TET1: variants seen among roughly 807,000 people sequenced by gnomAD.
The protein encoded by TET1 is methylcytosine dioxygenase TET1.
TET1 carries 13 observed loss-of-function variants against 148.7 expected under a neutral mutation model. The ratio of observed to expected loss-of-function variants is 0.09; its 90% CI spans 0.06 to 0.14. TET1 has a LOEUF of 0.14. Among genes scored for constraint, TET1 ranks in the 10% least tolerant of loss-of-function variants. TET1 has a pLI of 1.00. For synonymous variants in TET1, 907 were observed against 937.2 expected (o/e 0.97, Z 0.59); for missense variants, 2,182 against 2,553.8 (o/e 0.85, Z 3.14).
chr10:68,669,465 C>T (rs1340835549), intron 7 of TET1, among the ~76,000 whole-genome samples: 1 of 137,906 alleles, frequency 7.3e-6, no homozygotes, highest in Non-Finnish European at 1.6e-5. Context: ...CGCCTGCCAC[C>T]ATGCCCAGCT....
At chr10:68,666,498 T>G (rs748167781) in intron 6 of TET1, among the ~76,000 whole-genome samples, 3 of 152,156 alleles carry the variant, frequency 2.0e-5, no homozygotes, top group South Asian at 2.1e-4. Flanking sequence ...CATTAGATGG[T>G]TTTTTTCCAT....
chr10:68,639,454 C>CTAT (rs1252293347), intron 3 of TET1, among the ~76,000 whole-genome samples: 39 of 139,202 alleles, frequency 2.8e-4, no homozygotes, highest in African/African-American at 9.5e-4. Context: ...ATTACTACTA[C>CTAT]TACTACTACT....
intron 2 of TET1, among the ~76,000 whole-genome samples, chr10:68,585,281 G>T (rs2132824478): frequency 6.6e-6 from 1 of 152,250 alleles, no homozygotes; most frequent in African/African-American, 2.4e-5. Flanking sequence ...TGGGATTACA[G>T]GCGTGAGGCA....
intron 2 of TET1, among the ~76,000 whole-genome samples, chr10:68,579,738 C>A (rs1415735007): frequency 6.6e-6 from 1 of 152,154 alleles, no homozygotes; most frequent in Non-Finnish European, 1.5e-5. Context: ...GAATACAGCA[C>A]CTTTAAGATT....
At chr10:68,582,987 A>G (rs1003341230) in intron 2 of TET1, among the ~76,000 whole-genome samples, 2 of 152,190 alleles carry the variant, frequency 1.3e-5, no homozygotes, top group African/African-American at 4.8e-5. Flanking sequence ...ATTCTGACCC[A>G]TGGGTGTTAA....
At position 68,682,093 on chromosome 10, in the gene TET1, C is replaced by CTTTTTTT. The variant is rs386371716; in HGVS notation, c.4914+623_4914+629dup. 2.1e-3 allele frequency among the ~76,000 whole-genome samples: 142 copies of CTTTTTTT among 67,078 alleles called. 20 individuals are homozygous for CTTTTTTT. Among genetic ancestry groups the CTTTTTTT allele is most frequent in the Admixed American group, 4.5e-3 (17 of 3,784 alleles). 44.0% of individuals were successfully genotyped at this position (67,078 alleles called of 152,430 possible). ...TAATTGGACTTTTTATTGATCTACT[C>CTTTTTTT]TTTTTTTTTTTTTTTTTTTTTTTTG... is the stretch of plus-strand genomic sequence containing the variant. On this transcript the variant is annotated intron_variant, in intron 9 of 11. Transcript: ENST00000373644.
At chr10:68,623,422 A>G (rs188080764) in intron 3 of TET1, among the ~76,000 whole-genome samples, 2 of 152,198 alleles carry the variant, frequency 1.3e-5, no homozygotes, top group Non-Finnish European at 2.9e-5. Context: ...AGCCTACTAC[A>G]TACTGTTTCG....
At chr10:68,616,656 C>T (rs985919359) in intron 3 of TET1, among the ~76,000 whole-genome samples, 2 of 152,030 alleles carry the variant, frequency 1.3e-5, no homozygotes, top group Non-Finnish European at 2.9e-5. Context: ...TCGATTCAGC[C>T]TCCAAAATTG....
intron 7 of TET1, among the ~76,000 whole-genome samples, chr10:68,672,491 AAAAAAAAAAAAAAAAAAAAACACC>A (rs1476179008): frequency 4.8e-5 from 7 of 147,130 alleles, no homozygotes; most frequent in Non-Finnish European, 1.0e-4. Context: ...CCATCTCAAA[AAAAAAAAAAAAAAAAAAAAACACC>A]AAAAAAAAAA....
intron 3 of TET1, among the ~76,000 whole-genome samples, chr10:68,637,989 A>G (rs961225956): frequency 1.2e-4 from 19 of 152,152 alleles, no homozygotes; most frequent in Non-Finnish European, 2.4e-4. Flanking sequence ...CATGTTGGCC[A>G]GGCTGGTCTT....
At chr10:68,578,162 G>A (rs2053753818) in intron 2 of TET1, among the ~76,000 whole-genome samples, 1 of 152,018 alleles carries the variant, frequency 6.6e-6, no homozygotes, top group African/African-American at 2.4e-5. Flanking sequence ...TGGGCGCGGT[G>A]GCTGGCAAGA....
At chr10:68,582,246 T>C (rs1174655121) in intron 2 of TET1, among the ~76,000 whole-genome samples, 1 of 152,098 alleles carries the variant, frequency 6.6e-6, no homozygotes, top group Non-Finnish European at 1.5e-5. Context: ...ATTACAGGCA[T>C]GCACCACTAC....
At chr10:68,592,013 T>C (rs2053924121) in intron 2 of TET1, among the ~76,000 whole-genome samples, 1 of 152,136 alleles carries the variant, frequency 6.6e-6, no homozygotes, top group African/African-American at 2.4e-5. Flanking sequence ...AAGGGTGTTT[T>C]CTAGCTTAAA....
intron 6 of TET1, among the ~76,000 whole-genome samples, chr10:68,662,202 T>C (rs1296383864): frequency 1.3e-5 from 2 of 152,040 alleles, no homozygotes; most frequent in African/African-American, 4.8e-5. Flanking sequence ...AGAGGCGGGA[T>C]TTCACCATGT....
intron 8 of TET1, among the ~76,000 whole-genome samples, chr10:68,677,308 T>C (rs1260801232): frequency 6.6e-6 from 1 of 152,210 alleles, no homozygotes; most frequent in African/African-American, 2.4e-5. Context: ...CCTATAGTCC[T>C]GATTTAACTC....
Position 68,573,148 on chromosome 10 carries a change from A to G in TET1, c.810A>G (p.Leu270=). 6.2e-7 allele frequency: 1 copy of G among 1,614,206 alleles called. No individual in the cohort carries two copies. The highest frequency in any genetic ancestry group is 8.5e-7 in the Non-Finnish European group (1 of 1,180,030). Residue 270 remains leucine (L), a synonymous_variant, in exon 2 of 12, where the codon TTA becomes TTG. Coordinates refer to ENST00000373644, the MANE Select transcript of TET1 (RefSeq NM_030625.3). ...VTSQGNPSIQ[L]EELGSRVESL... ...CTCAAGGAAACCCCAGCATTCAGTT[A>G]GAAGAGTTGGGTTCACGAGTAGAAT... is the stretch of plus-strand genomic sequence containing the variant.
intron 3 of TET1, among the ~76,000 whole-genome samples, chr10:68,607,934 G>C (rs535859386): frequency 1.3e-5 from 2 of 150,762 alleles, no homozygotes; most frequent in South Asian, 4.2e-4. Context: ...AGGTAACAGT[G>C]TCTTTTTTTT....
chr10:68,575,999 GAC>G (rs1423222365), intron 2 of TET1, among the ~76,000 whole-genome samples: 1 of 144,596 alleles, frequency 6.9e-6, no homozygotes, highest in African/African-American at 2.6e-5. Flanking sequence ...CAGCCTGGGT[GAC>G]AGAGTGAGAC....
intron 2 of TET1, among the ~76,000 whole-genome samples, chr10:68,581,667 C>T (rs2053799610): frequency 1.3e-5 from 2 of 151,950 alleles, no homozygotes; most frequent in African/African-American, 4.8e-5. Flanking sequence ...CATGGTGAAA[C>T]CCCGTTTCTC....
Sources: gnomAD v4.1 joint callset for allele counts (sites outside exome capture counted in the v4.1 genomes callset) on GRCh38, gnomAD v4.1.1 for gene constraint, MANE v1.5 for transcripts, NCBI Gene and HGNC (gene_info 2026-07-23, HGNC 2026-07-21) for gene names.